Variants in FAT4 observed in about 807,000 individuals in gnomAD.
FAT4 encodes FAT atypical cadherin 4.
In FAT4, 84 loss-of-function variants were observed where a neutral mutation model predicts 303.9. The observed-to-expected ratio is 0.28, with a 90% CI of 0.23 to 0.33. The LOEUF (loss-of-function observed/expected upper bound fraction) is 0.33. Ranked by LOEUF, FAT4 falls within the 10% of genes least tolerant of loss-of-function variation. The pLI is 1.00. For synonymous variants in FAT4, 2,307 were observed against 2,298.8 expected (o/e 1.00, Z -0.10); for missense variants, 6,005 against 6,146.8 (o/e 0.98, Z 0.77).
In FAT4 at chr4:125,452,680, C is replaced by T. The variant is rs150894545; in HGVS notation, c.11670C>T (p.Cys3890=). The change falls in exon 10 of 18, where the codon TGC becomes TGT. Residue 3890 remains cysteine (C), a synonymous_variant. Coordinates refer to ENST00000394329, the MANE Select transcript of FAT4 (RefSeq NM_001291303.3). ...TAGTGGGAGGATTTTCATGCAGCTG[C>T]CCAGATGGCTTCACTGGTAGGGCGT... is the stretch of plus-strand genomic sequence containing the variant. ...HNLVGGFSCS[C]PDGFTGRACE... 1.8e-4 allele frequency: 291 copies of T among 1,614,084 alleles called. 1 individual carries two copies. The African/African-American group carries it at 3.2e-3, about 18-fold the overall frequency.
At chr4:125,398,977 AG>A in intron 3 of FAT4, 62 bp downstream of exon 3, 1 of 1,546,430 alleles carries the variant, frequency 6.5e-7, no homozygotes, top group South Asian at 1.1e-5. Context: ...TCAAATTTCT[AG>A]GATATGTTGA....
At chr4:125,456,359 C>T (rs1444575701) in intron 10 of FAT4, among the ~76,000 whole-genome samples, 1 of 152,060 alleles carries the variant, frequency 6.6e-6, no homozygotes, top group Non-Finnish European at 1.5e-5. Context: ...ACATACTTCT[C>T]CTCAGAGTTC....
intron 2 of FAT4, among the ~76,000 whole-genome samples, chr4:125,346,413 ACTT>A: frequency 6.6e-6 from 1 of 151,928 alleles, no homozygotes; most frequent in Non-Finnish European, 1.5e-5. Flanking sequence ...TTATGGCTAT[ACTT>A]TTTTTTTGAC....
At chr4:125,423,244 C>T (rs1013420909) in intron 7 of FAT4, among the ~76,000 whole-genome samples, 1 of 148,782 alleles carries the variant, frequency 6.7e-6, no homozygotes, top group Non-Finnish European at 1.5e-5. Context: ...GTCTCCAAGG[C>T]ATGTCAGAGA....
chr4:125,391,395 A>G (rs911600898), intron 2 of FAT4, among the ~76,000 whole-genome samples: 5 of 152,208 alleles, frequency 3.3e-5, no homozygotes, highest in African/African-American at 4.8e-5. Flanking sequence ...GGAAGCCGTC[A>G]TCCTCAGCAA....
chr4:125,325,726 A>G (rs1199337168), intron 2 of FAT4, among the ~76,000 whole-genome samples: 1 of 152,234 alleles, frequency 6.6e-6, no homozygotes, highest in African/African-American at 2.4e-5. Flanking sequence ...TGTTTTCTCA[A>G]GAAAACTTAT....
At chr4:125,374,290 G>T (rs1578572039) in intron 2 of FAT4, among the ~76,000 whole-genome samples, 1 of 152,264 alleles carries the variant, frequency 6.6e-6, no homozygotes, top group African/African-American at 2.4e-5. Context: ...AATCACATTT[G>T]GATATCTTTG....
chr4:125,415,004 A>G lies in FAT4; in HGVS notation c.6041A>G (p.Tyr2014Cys), dbSNP rs1361074951. The G allele has an allele frequency of 1.9e-6, 3 of 1,614,032 alleles. No individual in the cohort carries two copies. The highest frequency in any genetic ancestry group is 8.5e-7 in the Non-Finnish European group (1 of 1,179,946). ...TTGGATCGGGAAAGTCAGTCCTTCT[A>G]CAACTTGGTTGTTCAAGTGCATGAC... Reference protein sequence around the residue: ...KALDRESQSFYNLVVQVHDLP... With the variant: ...KALDRESQSFCNLVVQVHDLP... The change falls in exon 6 of 18, where the codon TAC (tyrosine) becomes TGC (cysteine). Residue 2014 changes from tyrosine to cysteine, a missense_variant. Tyr to Cys is a radical substitution (Grantham distance 194). Transcript: ENST00000394329.
In FAT4 at chr4:125,325,872, A is replaced by G. The variant is rs139943876; in HGVS notation, c.5175+4286A>G. On this transcript the variant is annotated intron_variant, in intron 2 of 17. Coordinates refer to ENST00000394329, the MANE Select transcript of FAT4 (RefSeq NM_001291303.3). ...TGCTAAAGTACCACCAGTTTTACCC[A>G]CCATTGCTTTTGCACCTCTAGCATA... 2.8e-4 allele frequency among the ~76,000 whole-genome samples: 43 copies of G among 152,294 alleles called. 1 individual carries two copies. The highest frequency in any genetic ancestry group is 8.9e-4 in the African/African-American group (37 of 41,558).
intron 12 of FAT4, among the ~76,000 whole-genome samples, chr4:125,475,371 T>C (rs760096119): frequency 7.9e-5 from 12 of 152,108 alleles, no homozygotes; most frequent in Non-Finnish European, 1.8e-4. Flanking sequence ...GTTATCATGT[T>C]CTGAGGCCTT....
chr4:125,416,362 T>C, intron 6 of FAT4, 86 bp from the exon 7 acceptor site: 1 of 1,208,162 alleles, frequency 8.3e-7, no homozygotes, highest in Non-Finnish European at 1.2e-6. Flanking sequence ...AACATAGTTT[T>C]ACCTCATTTT....
chr4:125,492,277 T>A lies in FAT4; in HGVS notation c.*509T>A, dbSNP rs537197680. The A allele has an allele frequency of 3.8e-4, 58 of 153,998 alleles. No homozygotes were observed. Among genetic ancestry groups the A allele is most frequent in the African/African-American group, 1.3e-3 (53 of 41,604 alleles). 9.5% of individuals were successfully genotyped at this position (153,998 alleles called of 1,614,324 possible). On this transcript the variant is annotated 3_prime_UTR_variant, in exon 18 of 18. Coordinates refer to ENST00000394329, the MANE Select transcript of FAT4 (RefSeq NM_001291303.3). ...AGAATGATAGTTTCTGTATTTGATGTTGCTCAGAAATGTCTCAGTATTTGA... is the reference window on the plus strand; with the variant it reads ...AGAATGATAGTTTCTGTATTTGATGATGCTCAGAAATGTCTCAGTATTTGA...
chr4:125,471,260 T>A (rs1268654854), intron 12 of FAT4, among the ~76,000 whole-genome samples: 3 of 152,230 alleles, frequency 2.0e-5, no homozygotes, highest in Non-Finnish European at 4.4e-5. Flanking sequence ...ATGAAATATT[T>A]GAAATATTGT....
intron 3 of FAT4, 48 bp from the exon 4 acceptor site, chr4:125,406,832 A>G (rs376473297): frequency 3.5e-5 from 55 of 1,581,524 alleles, no homozygotes; most frequent in Non-Finnish European, 4.6e-5. Flanking sequence ...TATAAGGAGC[A>G]ATGCTTTTCT....
chr4:125,399,381 T>C (rs1291832574), intron 3 of FAT4, among the ~76,000 whole-genome samples: 1 of 152,034 alleles, frequency 6.6e-6, no homozygotes, highest in Non-Finnish European at 1.5e-5. Flanking sequence ...ATGTTTCAAA[T>C]GGCATGGAAA....
intron 10 of FAT4, among the ~76,000 whole-genome samples, chr4:125,461,483 C>G (rs149539734): frequency 8.6e-5 from 13 of 151,886 alleles, no homozygotes; most frequent in African/African-American, 2.4e-5. Flanking sequence ...CATTTCCAGT[C>G]GTTAAGAAGT....
intron 7 of FAT4, among the ~76,000 whole-genome samples, chr4:125,425,595 T>C (rs1380790193): frequency 6.6e-6 from 1 of 152,028 alleles, no homozygotes; most frequent in Non-Finnish European, 1.5e-5. Flanking sequence ...TATCCAAGGG[T>C]TTTATTAAGT....
chr4:125,321,165 G>A lies in FAT4; in HGVS notation c.4754G>A (p.Arg1585Lys), dbSNP rs778179523. Reference protein sequence around the residue: ...FIVDRYSGDLRVASALVPSQL... With the variant: ...FIVDRYSGDLKVASALVPSQL... ...GTTGATCGTTATAGTGGAGACCTGA[G>A]AGTGGCTTCAGCGTTGGTGCCTTCA... The change falls in exon 2 of 18, where the codon AGA (arginine) becomes AAA (lysine). Residue 1585 changes from arginine to lysine, a missense_variant. Arg to Lys is a conservative substitution (Grantham distance 26, BLOSUM62 2). Coordinates refer to ENST00000394329, the MANE Select transcript of FAT4 (RefSeq NM_001291303.3). The A allele has an allele frequency of 6.2e-7, 1 of 1,614,136 alleles. No individual in the cohort carries two copies. The highest frequency in any genetic ancestry group is 8.5e-7 in the Non-Finnish European group (1 of 1,179,980).
At chr4:125,331,309 T>C (rs1427221960) in intron 2 of FAT4, among the ~76,000 whole-genome samples, 1 of 152,212 alleles carries the variant, frequency 6.6e-6, no homozygotes, top group Admixed American at 6.5e-5. Context: ...CTGTTGATAA[T>C]GCTGCAAATA....
Sources: gnomAD v4.1 joint callset for allele counts (sites outside exome capture counted in the v4.1 genomes callset) on GRCh38, gnomAD v4.1.1 for gene constraint, MANE v1.5 for transcripts, NCBI Gene and HGNC (gene_info 2026-07-23, HGNC 2026-07-21) for gene names.